The following CCDC141 variants were observed in gnomAD, a reference collection of about 807,000 sequenced individuals.
CCDC141 encodes coiled-coil domain containing 141.
Under a neutral mutation model 181.0 loss-of-function variants are expected in CCDC141, and 168 were observed. The ratio of observed to expected loss-of-function variants is 0.93; its 90% CI spans 0.82 to 1.05. CCDC141 has a LOEUF of 1.05. Ranked by LOEUF, CCDC141 falls within the 50% of genes least tolerant of loss-of-function variation. The pLI is 0.00. For missense variants in CCDC141, 1,902 were observed against 1,788.5 expected (o/e 1.06, Z -1.14); for synonymous variants, 666 against 642.3 (o/e 1.04, Z -0.56).
rs546942926 is a variant in CCDC141 at position 178,992,955 on chromosome 2, C to T, written c.226-14280G>A. ...AAGGATGTGTTTGCATCCCCTTACG[C>T]TGTGATTGTAAGTTTTCTGAAGCCT... is the stretch of plus-strand genomic sequence containing the variant. On this transcript the variant is annotated intron_variant, in intron 2 of 23. Coordinates refer to ENST00000443758, the MANE Select transcript of CCDC141 (RefSeq NM_173648.4). Among the ~76,000 whole-genome samples the T allele has an allele frequency of 5.9e-5, 9 of 152,282 alleles. No individual in the cohort carries two copies. The East Asian group carries it at 1.7e-3, about 29-fold the overall frequency.
At chr2:178,911,693 T>C (rs1315279973) in intron 7 of CCDC141, among the ~76,000 whole-genome samples, 2 of 152,226 alleles carry the variant, frequency 1.3e-5, no homozygotes, top group East Asian at 3.8e-4. Context: ...ATTTGTCACA[T>C]GGCCAGTCAT....
chr2:179,015,065 GAGATATATAT>G (rs1324008224), intron 2 of CCDC141, among the ~76,000 whole-genome samples: 6 of 10,976 alleles, frequency 5.5e-4, no homozygotes, highest in Admixed American at 9.4e-4. Context: ...GAGAGAGACA[GAGATATATAT>G]ATATATATAT....
At chr2:178,839,059 C>T (rs889359758) in intron 22 of CCDC141, among the ~76,000 whole-genome samples, 1 of 152,098 alleles carries the variant, frequency 6.6e-6, no homozygotes, top group Admixed American at 6.6e-5. Context: ...TCTTGCCTTG[C>T]CTTTGAGTTT....
intron 22 of CCDC141, among the ~76,000 whole-genome samples, chr2:178,842,331 T>C (rs1196642963): frequency 1.3e-5 from 2 of 152,260 alleles, no homozygotes; most frequent in African/African-American, 4.8e-5. Flanking sequence ...GTCTTATCTT[T>C]AAGTTCTCTA....
At chr2:178,894,200 G>A (rs974242732) in intron 8 of CCDC141, among the ~76,000 whole-genome samples, 3 of 152,116 alleles carry the variant, frequency 2.0e-5, no homozygotes, top group African/African-American at 4.8e-5. Context: ...CTCCACAGAC[G>A]CTTGTGTGAC....
At position 179,000,055 on chromosome 2, in the gene CCDC141, T is replaced by TACAC. The variant is rs67309651; in HGVS notation, c.226-21384_226-21381dup. Among the ~76,000 whole-genome samples the TACAC allele has an allele frequency of 5.5e-3, 797 of 144,346 alleles. 8 individuals carry two copies. The highest frequency in any genetic ancestry group is 0.018 in the African/African-American group (707 of 38,752). The allele number at this position is 144,346 out of a possible 152,430, so 94.7% of individuals were successfully genotyped here. On this transcript the variant is annotated intron_variant, in intron 2 of 23. Coordinates refer to ENST00000443758, the MANE Select transcript of CCDC141 (RefSeq NM_173648.4). ...TCCACTGCTCAGAGATTCATCACCATACACACACACACACACACACACACA... is the reference window on the plus strand; with the variant it reads ...TCCACTGCTCAGAGATTCATCACCATACACACACACACACACACACACACACACA...
chr2:178,873,206 AG>A (rs1686197429), intron 12 of CCDC141: 1 of 152,210 alleles, frequency 6.6e-6, no homozygotes, highest in Non-Finnish European at 1.5e-5. Context: ...TTTTAAAGAT[AG>A]GCCATTTTAT....
intron 17 of CCDC141, 139 bp from the exon 18 acceptor site, chr2:178,856,536 C>CT: frequency 2.4e-5 from 12 of 503,584 alleles, no homozygotes; most frequent in African/African-American, 4.6e-5. Context: ...CTCCCTCCCT[C>CT]CCTCTCTCTT....
At chr2:179,037,355 T>C (rs2043172917) in intron 2 of CCDC141, among the ~76,000 whole-genome samples, 1 of 152,190 alleles carries the variant, frequency 6.6e-6, no homozygotes, top group African/African-American at 2.4e-5. Flanking sequence ...GTGGCTCCTG[T>C]ATAAACTAAG....
At chr2:179,048,246 A>G (rs1575390867) in intron 1 of CCDC141, among the ~76,000 whole-genome samples, 2 of 152,350 alleles carry the variant, frequency 1.3e-5, no homozygotes, top group South Asian at 2.1e-4. Flanking sequence ...CAGTCCCCTG[A>G]GACAGTTTGG....
At chr2:179,023,335 A>C (rs1039987659) in intron 2 of CCDC141, among the ~76,000 whole-genome samples, 5 of 152,166 alleles carry the variant, frequency 3.3e-5, no homozygotes, top group Non-Finnish European at 7.3e-5. Flanking sequence ...GAAAGAGGAT[A>C]AGTAACTTCC....
chr2:178,848,674 C>T (rs1685038700), intron 21 of CCDC141, among the ~76,000 whole-genome samples: 1 of 151,958 alleles, frequency 6.6e-6, no homozygotes, highest in South Asian at 2.1e-4. Flanking sequence ...GCAACGTAAA[C>T]GGGAGGAATA....
intron 21 of CCDC141, among the ~76,000 whole-genome samples, chr2:178,849,561 G>T (rs577269040): frequency 9.9e-5 from 15 of 152,224 alleles, no homozygotes; most frequent in African/African-American, 3.4e-4. Context: ...CTCCATATTT[G>T]TTACCATCAA....
At chr2:178,899,805 G>C (rs1488158469) in intron 8 of CCDC141, among the ~76,000 whole-genome samples, 2 of 152,082 alleles carry the variant, frequency 1.3e-5, no homozygotes, top group Non-Finnish European at 2.9e-5. Context: ...TCCAGCAGTG[G>C]CTGCACTTGA....
intron 21 of CCDC141, 27 bp from the exon 22 acceptor site, chr2:178,845,769 C>G (rs769120081): frequency 1.8e-5 from 25 of 1,380,952 alleles, no homozygotes; most frequent in Non-Finnish European, 2.4e-5. Flanking sequence ...TTAGTGAGAG[C>G]ATGAGCCAGG....
chr2:179,019,322 TA>T (rs201489991), intron 2 of CCDC141, among the ~76,000 whole-genome samples: 19 of 151,212 alleles, frequency 1.3e-4, no homozygotes, highest in African/African-American at 3.4e-4. Flanking sequence ...TTTATATTTA[TA>T]AAAAAAAAGA....
At chr2:178,836,530 G>A (rs150279828) in intron 23 of CCDC141, 1 of 173,538 alleles carries the variant, frequency 5.8e-6, no homozygotes, top group Non-Finnish European at 1.3e-5. Context: ...TTGCATAAAG[G>A]TAGTTAAAGC....
At chr2:178,986,891 C>T (rs1691773530) in intron 2 of CCDC141, among the ~76,000 whole-genome samples, 2 of 151,724 alleles carry the variant, frequency 1.3e-5, no homozygotes, top group Admixed American at 6.6e-5. Flanking sequence ...GGCCATACTG[C>T]CCAAGGTAAT....
intron 5 of CCDC141, among the ~76,000 whole-genome samples, chr2:178,954,673 T>C (rs1690085429): frequency 6.6e-6 from 1 of 152,190 alleles, no homozygotes; most frequent in Non-Finnish European, 1.5e-5. Flanking sequence ...ATCCACATTA[T>C]TATTCATCAG....
Sources: gnomAD v4.1 joint callset for allele counts (sites outside exome capture counted in the v4.1 genomes callset) on GRCh38, gnomAD v4.1.1 for gene constraint, MANE v1.5 for transcripts, NCBI Gene and HGNC (gene_info 2026-07-23, HGNC 2026-07-21) for gene names.